The following RBM15B variants were observed in gnomAD, a reference collection of about 807,000 sequenced individuals.
RBM15B encodes the protein putative RNA-binding protein 15B.
A neutral mutation model predicts 53.3 loss-of-function variants in RBM15B; 11 were observed. That is an observed-to-expected ratio of 0.21 (90% CI 0.13 to 0.34). The LOEUF is 0.34. Ranked by LOEUF, RBM15B falls within the 10% of genes least tolerant of loss-of-function variation. The pLI, the probability that RBM15B is intolerant of heterozygous loss-of-function variation, is 1.00. For missense variants in RBM15B, 1,136 were observed against 1,250.3 expected, an observed-to-expected ratio of 0.91 and a Z score of 1.38; for synonymous variants, 631 against 540.7, an observed-to-expected ratio of 1.17 and a Z score of -2.32.
At position 51,393,662 on chromosome 3, in the gene RBM15B, A is replaced by G. The variant is rs782055277; in HGVS notation, c.2263A>G (p.Thr755Ala). The change falls in exon 1 of 1, where the codon ACT becomes GCT. Residue 755 changes from threonine to alanine, a missense_variant. Thr to Ala is a moderately conservative substitution (Grantham distance 58). Around this residue, in one of 7 missense-constraint regions of RBM15B, gnomAD observed 578 missense variants for 581.6 expected, o/e 0.99. Coordinates refer to ENST00000563281, the MANE Select transcript of RBM15B (RefSeq NM_013286.5). This position sits in a 1 kb window ranked among gnomAD's most constrained non-coding sequence, Gnocchi z 5.6. ...GVISSLLKDH[T>A]SGSKLTQLKI... ...GATCAGCAGTCTCCTCAAAGACCAC[A>G]CTTCTGGGAGCAAGCTGACCCAGCT... 6 of 1,612,534 alleles carry G rather than the reference A, an allele frequency of 3.7e-6. No homozygotes were observed. In the African/African-American group the frequency reaches 6.7e-5, roughly 18 times the overall value.
rs2089091955 is a variant in RBM15B, at chr3:51,394,087, T to G, written c.*15T>G. ...ACACTGCCTAGCCCAAGCCTGTCTT[T>G]CCCAGCGTCATGTTTGTGTCACAAA... is the stretch of plus-strand genomic sequence containing the variant. On this transcript the variant is annotated 3_prime_UTR_variant, in exon 1 of 1. Transcript: ENST00000563281. 2 of 1,406,426 alleles carry G rather than the reference T, an allele frequency of 1.4e-6. No individual in the cohort carries two copies. Among genetic ancestry groups the G allele is most frequent in the Non-Finnish European group, 1.9e-6 (2 of 1,075,654 alleles). 87.1% of individuals were successfully genotyped at this position (1,406,426 alleles called of 1,614,324 possible).
chr3:51,392,191 C>G lies in RBM15B; in HGVS notation c.792C>G (p.Arg264=), dbSNP rs1553621692. 1 of 1,541,298 alleles carries G rather than the reference C, an allele frequency of 6.5e-7. No individual in the cohort carries two copies. The change falls in exon 1 of 1, where the codon CGC becomes CGG. Residue 264 remains arginine, a synonymous_variant. Coordinates refer to ENST00000563281, the MANE Select transcript of RBM15B (RefSeq NM_013286.5). This position sits in a 1 kb window ranked among gnomAD's most constrained non-coding sequence, Gnocchi z 7.5. The part of the protein sequence containing the change: ...PLHGGYQYKQ[R]SLSPVAAPPL... ...ACGGAGGCTACCAGTACAAGCAGCG[C>G]TCGCTGTCCCCCGTCGCTGCCCCGC...
chr3:51,392,211 C>T lies in RBM15B; in HGVS notation c.812C>T (p.Ala271Val), dbSNP rs782412191. The T allele has an allele frequency of 1.3e-6, 2 of 1,550,420 alleles. No homozygotes were observed. Among genetic ancestry groups the T allele is most frequent in the Non-Finnish European group, 8.7e-7 (1 of 1,152,598 alleles). ...CAGCGCTCGCTGTCCCCCGTCGCTG[C>T]CCCGCCCCTGCGGGAGCCCCGTGCC... ...YKQRSLSPVA[A>V]PPLREPRARH... Residue 271 changes from alanine to valine, a missense_variant, in exon 1 of 1, where the codon GCC becomes GTC. Ala to Val is a moderately conservative substitution (Grantham distance 64). Transcript: ENST00000563281. This position sits in a 1 kb window ranked among gnomAD's most constrained non-coding sequence, Gnocchi z 7.5.
rs1577018662 is a variant in RBM15B at position 51,391,447 on chromosome 3, G to A, written c.48G>A (p.Ser16=). The A allele has an allele frequency of 1.6e-6, 2 of 1,269,228 alleles. No homozygotes were observed. Among genetic ancestry groups the A allele is most frequent in the South Asian group, 2.4e-5 (1 of 42,438 alleles). 78.6% of individuals were successfully genotyped at this position (1,269,228 alleles called of 1,614,324 possible). Residue 16 remains serine (S), a synonymous_variant, in exon 1 of 1, where the codon TCG becomes TCA. Transcript: ENST00000563281. The surrounding 1 kb of genome is among the most constrained non-coding windows in gnomAD (Gnocchi z 4.5). Reference sequence around the variant, plus strand: ...ACTCTAGCCCGAGCGGGCGCGGCTCGTCATCGTCCGCCAAGCGTCCGCGGG... The same window carrying A: ...ACTCTAGCCCGAGCGGGCGCGGCTCATCATCGTCCGCCAAGCGTCCGCGGG... ...ERDSSPSGRG[S]SSSAKRPRER... is the part of the protein sequence containing the mutation.
In RBM15B at chr3:51,396,736, T is replaced by C. The variant is rs2089230058; in HGVS notation, c.*2664T>C. The stretch of plus-strand genomic sequence containing the variant: ...TTGTCAAGCCAACCTGAATTCTGCC[T>C]CCCTGTTATAGTCCCTGTCTCCCCC... On this transcript the variant is annotated 3_prime_UTR_variant, in exon 1 of 1. Transcript: ENST00000563281. 1 of 167,108 alleles carries C rather than the reference T, an allele frequency of 6.0e-6. No individual in the cohort carries two copies. Among genetic ancestry groups the C allele is most frequent in the Admixed American group, 6.5e-5 (1 of 15,274 alleles). 10.4% of individuals were successfully genotyped at this position (167,108 alleles called of 1,614,324 possible).
rs782162082 is a variant in RBM15B, at chr3:51,392,314, C to T, written c.915C>T (p.Asp305=). ...GACTGTCCCGGGAGCGGGCCCTGGACTACTACGGGCTGTACGACGACCGTG... is the reference window on the plus strand; with the variant it reads ...GACTGTCCCGGGAGCGGGCCCTGGATTACTACGGGCTGTACGACGACCGTG... ...AVGLSRERAL[D]YYGLYDDRGR... The change falls in exon 1 of 1, where the codon GAC becomes GAT. Residue 305 remains aspartate (D), a synonymous_variant. Coordinates refer to ENST00000563281, the MANE Select transcript of RBM15B (RefSeq NM_013286.5). The surrounding 1 kb of genome is among the most constrained non-coding windows in gnomAD (Gnocchi z 7.5). The T allele has an allele frequency of 1.9e-6, 3 of 1,611,526 alleles. No individual in the cohort carries two copies. Among genetic ancestry groups the T allele is most frequent in the African/African-American group, 2.7e-5 (2 of 74,926 alleles).
chr3:51,393,694 C>G lies in RBM15B; in HGVS notation c.2295C>G (p.Ile765Met). The G allele has an allele frequency of 1.9e-6, 3 of 1,612,734 alleles. No homozygotes were observed. Among genetic ancestry groups the G allele is most frequent in the Non-Finnish European group, 2.5e-6 (3 of 1,179,448 alleles). ...TSGSKLTQLK[I>M]AQRLRLDQPK... ...GGAGCAAGCTGACCCAGCTGAAGAT[C>G]GCCCAGCGCCTTCGACTGGACCAGC... The change falls in exon 1 of 1, where the codon ATC (isoleucine) becomes ATG (methionine). Residue 765 changes from isoleucine (I) to methionine (M), a missense_variant. This residue lies in a region of RBM15B where 578 missense variants were observed against 581.6 expected (regional missense o/e 0.99). Coordinates refer to ENST00000563281, the MANE Select transcript of RBM15B (RefSeq NM_013286.5). The surrounding 1 kb of genome is among the most constrained non-coding windows in gnomAD (Gnocchi z 5.6).
Position 51,396,066 on chromosome 3 carries a change from A to G in RBM15B, c.*1994A>G. ...AGTGGTTTTCCTGCAGCTCTCCAAC[A>G]AACGCCTGAGTCACAGGCCAGAGCT... is the stretch of plus-strand genomic sequence containing the variant. On this transcript the variant is annotated 3_prime_UTR_variant, in exon 1 of 1. Transcript: ENST00000563281. The G allele has an allele frequency of 2.4e-6, 1 of 411,612 alleles. No individual in the cohort carries two copies. The highest frequency in any genetic ancestry group is 6.3e-4 in the Middle Eastern group (1 of 1,588). 25.5% of individuals were successfully genotyped at this position (411,612 alleles called of 1,614,324 possible). A position where few individuals can be genotyped will look rare whatever the true frequency, so the allele number is the denominator to read the frequency against.
At position 51,393,211 on chromosome 3, in the gene RBM15B, G is replaced by A. The variant is rs2089069529; in HGVS notation, c.1812G>A (p.Gly604=). 1.2e-6 allele frequency: 2 copies of A among 1,613,900 alleles called. No homozygotes were observed. Among genetic ancestry groups the A allele is most frequent in the Non-Finnish European group, 1.7e-6 (2 of 1,179,880 alleles). Residue 604 remains glycine (G), a synonymous_variant, in exon 1 of 1, where the codon GGG becomes GGA. Transcript: ENST00000563281. This position sits in a 1 kb window ranked among gnomAD's most constrained non-coding sequence, Gnocchi z 5.6. ...RKRRSLSSDR[G]RTTHSPYEER... ...GGAGAAGCCTTTCCAGTGACCGTGG[G>A]AGGACAACCCATTCACCATATGAGG...
chr3:51,395,601 G>C lies in RBM15B; in HGVS notation c.*1529G>C. The C allele has an allele frequency of 2.5e-6, 1 of 404,288 alleles. No homozygotes were observed. The highest frequency in any genetic ancestry group is 4.5e-6 in the Non-Finnish European group (1 of 220,900). 25.0% of individuals were successfully genotyped at this position (404,288 alleles called of 1,614,324 possible). On this transcript the variant is annotated 3_prime_UTR_variant, in exon 1 of 1. Transcript: ENST00000563281. ...CTGAGGAGAACAGAAGCTCTGGTAA[G>C]CGAATGAGCCCCTAGATGATAACCA...
Position 51,395,662 on chromosome 3 carries a change from T to A in RBM15B, c.*1590T>A, listed in dbSNP as rs1035088343. On this transcript the variant is annotated 3_prime_UTR_variant, in exon 1 of 1. Coordinates refer to ENST00000563281, the MANE Select transcript of RBM15B (RefSeq NM_013286.5). ...GTTCTGCTGGCCGTGGCATCCTCTC[T>A]CCAGGTCTGCTCCCTTACCGGAGCT... 7 of 411,368 alleles carry A rather than the reference T, an allele frequency of 1.7e-5. No individual in the cohort carries two copies. The highest frequency in any genetic ancestry group is 2.7e-5 in the Non-Finnish European group (6 of 225,388). The allele number at this position is 411,368 out of a possible 1,614,324, so 25.5% of individuals were successfully genotyped here. A position where few individuals can be genotyped will look rare whatever the true frequency, so the allele number is the denominator to read the frequency against.
At position 51,392,305 on chromosome 3, in the gene RBM15B, G is replaced by A. The variant is rs782382956; in HGVS notation, c.906G>A (p.Arg302=). Residue 302 remains arginine (R), a synonymous_variant, in exon 1 of 1, where the codon CGG becomes CGA. Coordinates refer to ENST00000563281, the MANE Select transcript of RBM15B (RefSeq NM_013286.5). The surrounding 1 kb of genome is among the most constrained non-coding windows in gnomAD (Gnocchi z 7.5). ...AAAAVGLSRE[R]ALDYYGLYDD... is the part of the protein sequence containing the mutation. ...CCGCCGTGGGACTGTCCCGGGAGCGGGCCCTGGACTACTACGGGCTGTACG... is the reference window on the plus strand; with the variant it reads ...CCGCCGTGGGACTGTCCCGGGAGCGAGCCCTGGACTACTACGGGCTGTACG... 3 of 1,610,552 alleles carry A rather than the reference G, an allele frequency of 1.9e-6. No homozygotes were observed. Among genetic ancestry groups the A allele is most frequent in the South Asian group, 2.2e-5 (2 of 90,976 alleles).
chr3:51,392,645 C>G lies in RBM15B; in HGVS notation c.1246C>G (p.Pro416Ala). The change falls in exon 1 of 1, where the codon CCC becomes GCC. Residue 416 changes from proline (P) to alanine (A), a missense_variant. By Grantham distance (27) the Pro-to-Ala change is conservative. Transcript: ENST00000563281. This position sits in a 1 kb window ranked among gnomAD's most constrained non-coding sequence, Gnocchi z 7.5. The part of the protein sequence containing the change: ...PIKIGYGKAN[P>A]TTRLWVGGLG... ...TAAGATAGGCTATGGCAAGGCCAACCCCACCACTCGTCTCTGGGTGGGTGG... is the reference window on the plus strand; with the variant it reads ...TAAGATAGGCTATGGCAAGGCCAACGCCACCACTCGTCTCTGGGTGGGTGG... The G allele has an allele frequency of 6.2e-7, 1 of 1,614,140 alleles. No individual in the cohort carries two copies. Among genetic ancestry groups the G allele is most frequent in the Non-Finnish European group, 8.5e-7 (1 of 1,180,048 alleles).
rs1553621500 is a variant in RBM15B at position 51,391,466 on chromosome 3, C to G, written c.67C>G (p.Pro23Ala). 8.0e-7 allele frequency: 1 copy of G among 1,257,686 alleles called. No homozygotes were observed. Among genetic ancestry groups the G allele is most frequent in the Non-Finnish European group, 1.0e-6 (1 of 998,712 alleles). 77.9% of individuals were successfully genotyped at this position (1,257,686 alleles called of 1,614,324 possible). A position where few individuals can be genotyped will look rare whatever the true frequency, so the allele number is the denominator to read the frequency against. ...CGGCTCGTCATCGTCCGCCAAGCGT[C>G]CGCGGGAGCGCGAACGGGAGGCGGA... Reference protein sequence around the residue: ...GRGSSSSAKRPREREREAEAG... With the variant: ...GRGSSSSAKRAREREREAEAG... Residue 23 changes from proline (P) to alanine (A), a missense_variant, in exon 1 of 1, where the codon CCG becomes GCG. Coordinates refer to ENST00000563281, the MANE Select transcript of RBM15B (RefSeq NM_013286.5). This position sits in a 1 kb window ranked among gnomAD's most constrained non-coding sequence, Gnocchi z 4.5.
chr3:51,393,967 C>G lies in RBM15B; in HGVS notation c.2568C>G (p.Phe856Leu). The change falls in exon 1 of 1, where the codon TTC becomes TTG. Residue 856 changes from phenylalanine (F) to leucine (L), a missense_variant. By Grantham distance (22) the Phe-to-Leu change is conservative (BLOSUM62 0). Transcript: ENST00000563281. The surrounding 1 kb of genome is among the most constrained non-coding windows in gnomAD (Gnocchi z 5.6). Reference protein sequence around the residue: ...GRDGTGMLYAFPPCDFSQQYL... With the variant: ...GRDGTGMLYALPPCDFSQQYL... The stretch of plus-strand genomic sequence containing the variant: ...ACGGCACAGGCATGCTCTACGCCTT[C>G]CCACCCTGCGACTTTTCCCAGCAGT... 2.0e-6 allele frequency: 3 copies of G among 1,516,714 alleles called. No individual in the cohort carries two copies. The highest frequency in any genetic ancestry group is 2.6e-6 in the Non-Finnish European group (3 of 1,133,322). 94.0% of individuals were successfully genotyped at this position (1,516,714 alleles called of 1,614,324 possible).
Position 51,392,471 on chromosome 3 carries a change from G to A in RBM15B, c.1072G>A (p.Glu358Lys), listed in dbSNP as rs1577019406. 1.2e-6 allele frequency: 2 copies of A among 1,613,972 alleles called. No individual in the cohort carries two copies. The highest frequency in any genetic ancestry group is 1.7e-6 in the Non-Finnish European group (2 of 1,180,046). The change falls in exon 1 of 1, where the codon GAG becomes AAG. Residue 358 changes from glutamate to lysine, a missense_variant. By Grantham distance (56) the Glu-to-Lys change is moderately conservative. Around this residue, in one of 7 missense-constraint regions of RBM15B, gnomAD observed 40 missense variants for 74.2 expected, o/e 0.54. Transcript: ENST00000563281. The surrounding 1 kb of genome is among the most constrained non-coding windows in gnomAD (Gnocchi z 7.5). The part of the protein sequence containing the change: ...VSEVELRRAF[E>K]KYGIIEEVVI... ...TGAGGTGGAGCTGCGAAGGGCCTTC[G>A]AGAAATATGGCATCATCGAGGAGGT...
Position 51,394,026 on chromosome 3 carries a change from TAGA to T in RBM15B, c.2635_2637del (p.Glu879del), listed in dbSNP as rs782525019. ...TCAGCACTAAGGACATTGGGCAAGC[TAGA>T]AGAAGAACACATGGTGATAGTCATC... On this transcript the variant is annotated inframe_deletion, in exon 1 of 1. Coordinates refer to ENST00000563281, the MANE Select transcript of RBM15B (RefSeq NM_013286.5). 31 of 1,484,360 alleles carry T rather than the reference TAGA, an allele frequency of 2.1e-5. No individual in the cohort carries two copies. Among genetic ancestry groups the T allele is most frequent in the African/African-American group, 4.2e-5 (3 of 70,940 alleles). 91.9% of individuals were successfully genotyped at this position (1,484,360 alleles called of 1,614,324 possible).
chr3:51,393,958 C>G lies in RBM15B; in HGVS notation c.2559C>G (p.Leu853=). The G allele has an allele frequency of 6.6e-7, 1 of 1,524,496 alleles. No individual in the cohort carries two copies. Among genetic ancestry groups the G allele is most frequent in the Non-Finnish European group, 8.8e-7 (1 of 1,137,078 alleles). The allele number at this position is 1,524,496 out of a possible 1,614,324, so 94.4% of individuals were successfully genotyped here. Residue 853 remains leucine, a synonymous_variant, in exon 1 of 1, where the codon CTC becomes CTG. Transcript: ENST00000563281. This position sits in a 1 kb window ranked among gnomAD's most constrained non-coding sequence, Gnocchi z 5.6. ...GSKGRDGTGM[L]YAFPPCDFSQ... The stretch of plus-strand genomic sequence containing the variant: ...AGGGCAGAGACGGCACAGGCATGCT[C>G]TACGCCTTCCCACCCTGCGACTTTT...
At position 51,393,281 on chromosome 3, in the gene RBM15B, T is replaced by C. The variant is rs1553621932; in HGVS notation, c.1882T>C (p.Ser628Pro). 2 of 1,611,410 alleles carry C rather than the reference T, an allele frequency of 1.2e-6. No individual in the cohort carries two copies. The highest frequency in any genetic ancestry group is 1.7e-5 in the Admixed American group (1 of 59,486). Reference protein sequence around the residue: ...KGSGQQSERGSDRTPERSRKE... With the variant: ...KGSGQQSERGPDRTPERSRKE... Reference sequence around the variant, plus strand: ...CAGTGGGCAGCAGTCAGAGCGGGGCTCCGACCGCACCCCTGAGCGCAGCCG... The same window carrying C: ...CAGTGGGCAGCAGTCAGAGCGGGGCCCCGACCGCACCCCTGAGCGCAGCCG... Residue 628 changes from serine to proline, a missense_variant, in exon 1 of 1, where the codon TCC becomes CCC. Around this residue, in one of 7 missense-constraint regions of RBM15B, gnomAD observed 578 missense variants for 581.6 expected, o/e 0.99. Coordinates refer to ENST00000563281, the MANE Select transcript of RBM15B (RefSeq NM_013286.5). This position sits in a 1 kb window ranked among gnomAD's most constrained non-coding sequence, Gnocchi z 5.6.
Sources: gnomAD v4.1 joint callset for allele counts on GRCh38, gnomAD v4.1.1 for gene constraint, gnomAD v4.1.1 regional missense constraint, Gnocchi (gnomAD v3.1) non-coding constraint, MANE v1.5 for transcripts, NCBI Gene and HGNC (gene_info 2026-07-23, HGNC 2026-07-21) for gene names.